Variants in SIL1 observed in about 807,000 individuals in gnomAD.
SIL1 encodes SIL1 nucleotide exchange factor.
SIL1 carries 40 observed loss-of-function variants against 49.1 expected under a neutral mutation model. That is an observed-to-expected ratio of 0.81 (90% CI 0.63 to 1.06). The LOEUF (loss-of-function observed/expected upper bound fraction) is 1.06, where lower values mean the gene tolerates loss of function less well. Ranked by LOEUF, SIL1 falls within the 50% of genes least tolerant of loss-of-function variation. SIL1 has a pLI of 0.00. For synonymous variants in SIL1, 253 were observed against 250.8 expected (o/e 1.01, Z -0.08); for missense variants, 500 against 572.6 (o/e 0.87, Z 1.29).
At chr5:139,135,353 T>C (rs974299766) in intron 1 of SIL1, among the ~76,000 whole-genome samples, 1 of 152,068 alleles carries the variant, frequency 6.6e-6, no homozygotes, top group Non-Finnish European at 1.5e-5. Context: ...AAAAGGTTAT[T>C]AGAGGAGGCT....
chr5:139,197,594 C>A (rs1351439521), intron 1 of SIL1, among the ~76,000 whole-genome samples: 2 of 152,192 alleles, frequency 1.3e-5, no homozygotes, highest in Non-Finnish European at 2.9e-5. Context: ...TGATTCCTGG[C>A]TTTTCCCACT....
intron 8 of SIL1, 102 bp downstream of exon 8, chr5:138,951,686 C>T (rs1766781854): frequency 9.8e-6 from 11 of 1,120,464 alleles, no homozygotes; most frequent in Admixed American, 1.7e-5. Context: ...AGATGATGCT[C>T]AGGCCCCCAT....
At chr5:139,095,180 GAGTC>G (rs1168174329) in intron 3 of SIL1, among the ~76,000 whole-genome samples, 1 of 151,914 alleles carries the variant, frequency 6.6e-6, no homozygotes, top group Non-Finnish European at 1.5e-5. Flanking sequence ...CTTTAGAAAT[GAGTC>G]AGTAAGTCTA....
intron 5 of SIL1, 111 bp from the exon 6 acceptor site, chr5:139,027,103 G>A: frequency 2.1e-6 from 2 of 961,692 alleles, no homozygotes; most frequent in Non-Finnish European, 3.3e-6. Context: ...AAGACTCACA[G>A]TCTTCTCTCA....
At chr5:138,949,798 C>CAAAAAAA (rs5871689) in intron 9 of SIL1, among the ~76,000 whole-genome samples, 28 of 82,908 alleles carry the variant, frequency 3.4e-4, no homozygotes, top group South Asian at 1.5e-3. Context: ...GACCCTGTCT[C>CAAAAAAA]AAAAAAAAAA....
rs117570433 is a variant in SIL1, at chr5:139,167,700, G to A, written c.-11+30569C>T. ...TTTATAAATGTAGCGTAGCCTAAGT[G>A]TACAGTGTTTATAAAGTCTACAGTA... On this transcript the variant is annotated intron_variant, in intron 1 of 9. Coordinates refer to ENST00000394817, the MANE Select transcript of SIL1 (RefSeq NM_022464.5). Among the ~76,000 whole-genome samples, 83 of 152,294 alleles carry A rather than the reference G, an allele frequency of 5.4e-4. 1 individual carries two copies. In the East Asian group the frequency reaches 0.014, roughly 26 times the overall value.
intron 2 of SIL1, among the ~76,000 whole-genome samples, chr5:139,123,476 G>C (rs1324625493): frequency 6.6e-6 from 1 of 152,164 alleles, no homozygotes; most frequent in South Asian, 2.1e-4. Flanking sequence ...GGGTGCCTTA[G>C]ACTGAGGAAA....
chr5:139,174,421 C>A (rs887624844), intron 1 of SIL1, among the ~76,000 whole-genome samples: 3 of 152,058 alleles, frequency 2.0e-5, no homozygotes, highest in Admixed American at 2.0e-4. Context: ...CACTTGAGCC[C>A]AGGAGGTCAT....
chr5:139,169,848 A>ACGGTCTCCCTCTCCCTCTTTCCACGGTCT (rs1193174772), intron 1 of SIL1, among the ~76,000 whole-genome samples: 18 of 145,666 alleles, frequency 1.2e-4, no homozygotes, highest in Non-Finnish European at 2.0e-4. Flanking sequence ...CCCTCTCCCC[A>ACGGTCTCCCTCTCCCTCTTTCCACGGTCT]CGGTCTCCCT....
chr5:139,032,682 C>A (rs1218678294), intron 5 of SIL1, among the ~76,000 whole-genome samples: 1 of 152,200 alleles, frequency 6.6e-6, no homozygotes, highest in Non-Finnish European at 1.5e-5. Flanking sequence ...GTGAAACTAT[C>A]TGAACCTGGA....
intron 3 of SIL1, among the ~76,000 whole-genome samples, chr5:139,069,931 A>G (rs1308507342): frequency 1.3e-5 from 2 of 152,150 alleles, no homozygotes; most frequent in Non-Finnish European, 2.9e-5. Context: ...GACAAAGTTA[A>G]CATACAAAAA....
intron 4 of SIL1, among the ~76,000 whole-genome samples, chr5:139,046,295 C>A (rs1769162563): frequency 1.3e-5 from 2 of 152,036 alleles, no homozygotes; most frequent in African/African-American, 4.8e-5. Flanking sequence ...CCACTGCACT[C>A]CAGCCTGGGT....
intron 7 of SIL1, among the ~76,000 whole-genome samples, chr5:138,973,168 G>GT (rs1767318199): frequency 6.9e-6 from 1 of 143,940 alleles, no homozygotes; most frequent in Non-Finnish European, 1.5e-5. Context: ...AAACCTGCGC[G>GT]TTGTGCACAG....
chr5:139,080,761 C>A (rs1454758104), intron 3 of SIL1, among the ~76,000 whole-genome samples: 2 of 152,166 alleles, frequency 1.3e-5, no homozygotes, highest in Non-Finnish European at 2.9e-5. Flanking sequence ...CTGCTGAGAA[C>A]TATTAGCTTT....
chr5:138,957,177 C>T (rs1421511246), intron 7 of SIL1, among the ~76,000 whole-genome samples: 2 of 152,160 alleles, frequency 1.3e-5, no homozygotes, highest in Non-Finnish European at 2.9e-5. Context: ...AGCAAATCAC[C>T]TTCCTGAGGG....
chr5:139,137,274 A>G, intron 1 of SIL1: 1 of 701,786 alleles, frequency 1.4e-6, no homozygotes. Context: ...AGGTGGTTCC[A>G]ATATGCTGCT....
chr5:138,954,494 C>G (rs578165095), intron 7 of SIL1, among the ~76,000 whole-genome samples: 1 of 152,350 alleles, frequency 6.6e-6, no homozygotes, highest in South Asian at 2.1e-4. Context: ...AAAAGGCCAC[C>G]CTGTGAAGTG....
At chr5:139,018,060 G>C (rs1476138854) in intron 7 of SIL1, among the ~76,000 whole-genome samples, 1 of 152,194 alleles carries the variant, frequency 6.6e-6, no homozygotes, top group African/African-American at 2.4e-5. Context: ...ACAGGAAAAT[G>C]AACGTGTGTG....
chr5:139,147,876 C>T (rs13354264), intron 1 of SIL1, among the ~76,000 whole-genome samples: 25,270 of 152,082 alleles, frequency 0.17, 3,068 homozygotes, highest in African/African-American at 0.34. Context: ...GCACAGAGCA[C>T]GCTGCCCTGG....
Sources: allele counts gnomAD v4.1 joint callset (sites outside exome capture counted in the v4.1 genomes callset), GRCh38; gene constraint gnomAD v4.1.1; transcripts MANE v1.5; gene names NCBI Gene and HGNC (gene_info 2026-07-23, HGNC 2026-07-21).